Variants in OR56A3 observed in about 807,000 individuals in gnomAD.
OR56A3 encodes olfactory receptor 56A3.
Under a neutral mutation model 17.5 loss-of-function variants are expected in OR56A3, and 23 were observed. The ratio of observed to expected loss-of-function variants is 1.32; its 90% confidence interval spans 0.95 to 1.87. The LOEUF is 1.87. OR56A3 is among the 40% of genes most tolerant of loss of function. The pLI is 0.00. For missense variants in OR56A3, 366 were observed against 380.1 expected (o/e 0.96, Z 0.31); for synonymous variants, 175 against 150.6 (o/e 1.16, Z -1.19).
At chr11:5,969,566 C>A in the OR56A3 span, among the ~76,000 whole-genome samples, 1 of 152,164 alleles carries the variant, frequency 6.6e-6, no homozygotes. Context: ...TTTTTAGGAA[C>A]CCTGACTTAT....
chr11:5,947,336 T>TA lies in OR56A3; in HGVS notation c.-10dup. 3 of 1,567,782 alleles carry TA rather than the reference T, an allele frequency of 1.9e-6. No individual in the cohort carries two copies. In the East Asian group the frequency reaches 6.8e-5, roughly 35 times the overall value. On this transcript the variant is annotated 5_prime_UTR_variant, in exon 3 of 3. The change creates a new upstream start codon in the 5' untranslated region. Coordinates refer to ENST00000641160, the MANE Select transcript of OR56A3 (RefSeq NM_001003443.3). The stretch of plus-strand genomic sequence containing the variant: ...ATCACTGAAAGAAAGCAGTAAAATA[T>TA]ATGGGAAAATATGACAACACACCGA...
the OR56A3 span, among the ~76,000 whole-genome samples, chr11:6,014,926 G>A: frequency 6.1e-5 from 8 of 131,044 alleles, no homozygotes; most frequent in South Asian, 1.6e-3. Context: ...CTTAGGGTAT[G>A]TGGCAGAAAA....
At chr11:6,008,861 C>A in the OR56A3 span, among the ~76,000 whole-genome samples, 1 of 151,866 alleles carries the variant, frequency 6.6e-6, no homozygotes, top group African/African-American at 2.4e-5. Context: ...CTGTATATAT[C>A]CTGTATGTAT....
downstream of OR56A3, among the ~76,000 whole-genome samples, chr11:5,952,032 C>A (rs1847910998): frequency 6.6e-6 from 1 of 152,006 alleles, no homozygotes; most frequent in East Asian, 1.9e-4. Context: ...AGAAAATAAG[C>A]CACTATTTGA....
the OR56A3 span, chr11:6,021,003 G>C: frequency 6.6e-6 from 1 of 152,070 alleles, no homozygotes; most frequent in East Asian, 1.9e-4. Context: ...GAAAAAGTTA[G>C]ATGATGTGTA....
At chr11:5,990,359 G>A in the OR56A3 span, among the ~76,000 whole-genome samples, 1 of 152,254 alleles carries the variant, frequency 6.6e-6, no homozygotes, top group Non-Finnish European at 1.5e-5. Flanking sequence ...TTTTGAGGGT[G>A]TCACTGATTG....
At chr11:6,007,545 A>C in the OR56A3 span, among the ~76,000 whole-genome samples, 1 of 152,312 alleles carries the variant, frequency 6.6e-6, no homozygotes, top group East Asian at 1.9e-4. Flanking sequence ...ATGTGTATCA[A>C]AACATCACTT....
intron 2 of OR56A3, among the ~76,000 whole-genome samples, chr11:5,945,579 TAAAAAAA>T (rs3082300): frequency 4.0e-4 from 46 of 114,530 alleles, no homozygotes; most frequent in African/African-American, 1.3e-3. Context: ...AGACCCCATA[TAAAAAAA>T]AAAAAAAAAA....
the OR56A3 span, among the ~76,000 whole-genome samples, chr11:6,004,939 A>G: frequency 6.6e-6 from 1 of 152,204 alleles, no homozygotes; most frequent in Admixed American, 6.5e-5. Context: ...AGTAGAGAAA[A>G]TTGACTTGCA....
At chr11:5,979,310 C>T in the OR56A3 span, among the ~76,000 whole-genome samples, 1 of 151,926 alleles carries the variant, frequency 6.6e-6, no homozygotes, top group Non-Finnish European at 1.5e-5. Context: ...CGCTTCTTTA[C>T]ACATCTTGAA....
At chr11:5,986,663 C>T in the OR56A3 span, 10 of 1,613,800 alleles carry the variant, frequency 6.2e-6, no homozygotes, top group African/African-American at 1.2e-4. Flanking sequence ...GAGGCCAGAA[C>T]CAGGTCGATG....
At chr11:6,011,215 T>C in the OR56A3 span, among the ~76,000 whole-genome samples, 2 of 149,218 alleles carry the variant, frequency 1.3e-5, no homozygotes, top group Admixed American at 1.3e-4. Flanking sequence ...TATATATATA[T>C]ATATATACAC....
chr11:6,014,730 A>T, the OR56A3 span, among the ~76,000 whole-genome samples: 1 of 152,162 alleles, frequency 6.6e-6, no homozygotes, highest in Non-Finnish European at 1.5e-5. Context: ...GATTTGTTAA[A>T]TTTTTGTGAG....
chr11:6,003,757 A>G, the OR56A3 span, among the ~76,000 whole-genome samples: 1 of 152,194 alleles, frequency 6.6e-6, no homozygotes, highest in Non-Finnish European at 1.5e-5. Context: ...ATGATGTTAC[A>G]TGAGGACCTG....
At chr11:6,016,376 G>A in the OR56A3 span, among the ~76,000 whole-genome samples, 159 of 152,210 alleles carry the variant, frequency 1.0e-3, no homozygotes, top group African/African-American at 3.5e-3. Flanking sequence ...TTCTAGCAGT[G>A]TAAGAATGGA....
chr11:5,989,413 GAAGTAAATA>G, the OR56A3 span, among the ~76,000 whole-genome samples: 110 of 59,042 alleles, frequency 1.9e-3, no homozygotes, highest in African/African-American at 4.4e-3. Context: ...AATAAGTAGA[GAAGTAAATA>G]AAGTAAATAA....
At chr11:5,952,604 G>A (rs1434556455), downstream of OR56A3, among the ~76,000 whole-genome samples, 1 of 152,004 alleles carries the variant, frequency 6.6e-6, no homozygotes, top group Non-Finnish European at 1.5e-5. Context: ...AAATAGGTAA[G>A]ATATGCAAGG....
the OR56A3 span, chr11:5,986,217 G>A: frequency 1.2e-6 from 2 of 1,613,774 alleles, no homozygotes; most frequent in Admixed American, 1.7e-5. Flanking sequence ...CCTGGAGGAT[G>A]TGGGCATAGG....
At chr11:6,015,406 C>A in the OR56A3 span, among the ~76,000 whole-genome samples, 45 of 152,272 alleles carry the variant, frequency 3.0e-4, no homozygotes, top group African/African-American at 9.9e-4. Flanking sequence ...TCAGAGAGTG[C>A]AATATGGGGT....
Sources: gnomAD v4.1 joint callset for allele counts (sites outside exome capture counted in the v4.1 genomes callset) on GRCh38, gnomAD v4.1.1 for gene constraint, MANE v1.5 for transcripts, NCBI Gene and HGNC (gene_info 2026-07-23, HGNC 2026-07-21) for gene names.